BMPR2: variants seen among roughly 807,000 people sequenced by gnomAD.
The protein encoded by BMPR2 is bone morphogenetic protein receptor type-2.
Under a neutral mutation model 100.8 loss-of-function variants are expected in BMPR2, and 29 were observed. The ratio of observed to expected loss-of-function variants is 0.29; its 90% confidence interval spans 0.21 to 0.39. The LOEUF (loss-of-function observed/expected upper bound fraction) is 0.39. Ranked by LOEUF, BMPR2 falls within the 10% of genes least tolerant of loss-of-function variation. The pLI, the probability that BMPR2 is intolerant of heterozygous loss-of-function variation, is 1.00. For missense variants in BMPR2, 1,011 were observed against 1,274.5 expected, an observed-to-expected ratio of 0.79 and a Z score of 3.15; for synonymous variants, 382 against 442.3, an observed-to-expected ratio of 0.86 and a Z score of 1.71.
chr2:202,562,437 T>C lies in BMPR2; in HGVS notation c.*2491T>C, dbSNP rs773528113. ...GAAAAAGTAGGAAAGGTGGAAAGTATATATCATTTTTATAAATTTTAAATT... is the reference window on the plus strand; with the variant it reads ...GAAAAAGTAGGAAAGGTGGAAAGTACATATCATTTTTATAAATTTTAAATT... On this transcript the variant is annotated 3_prime_UTR_variant, in exon 13 of 13. Coordinates refer to ENST00000374580, the MANE Select transcript of BMPR2 (RefSeq NM_001204.7). 3.3e-5 allele frequency: 5 copies of C among 152,748 alleles called. No homozygotes were observed. The highest frequency in any genetic ancestry group is 4.8e-5 in the African/African-American group (2 of 41,586). 9.5% of individuals were successfully genotyped at this position (152,748 alleles called of 1,614,324 possible).
chr2:202,421,238 G>A (rs150578341), intron 1 of BMPR2, among the ~76,000 whole-genome samples: 69 of 148,938 alleles, frequency 4.6e-4, no homozygotes, highest in Non-Finnish European at 9.9e-4. Context: ...GCGACAGAGT[G>A]AGACTTCATC....
chr2:202,420,294 A>G (rs970317745), intron 1 of BMPR2, among the ~76,000 whole-genome samples: 1 of 152,068 alleles, frequency 6.6e-6, no homozygotes, highest in African/African-American at 2.4e-5. Flanking sequence ...ATAATGAGCA[A>G]TTACAAAATT....
rs184681276 is a variant in BMPR2, at chr2:202,439,670, C to T, written c.77-25139C>T. ...TTTGGGGAAGCCAACATTTTTGTCT[C>T]GTTCCTGATCTTCGAAGGAAAGTTT... On this transcript the variant is annotated intron_variant, in intron 1 of 12. Coordinates refer to ENST00000374580, the MANE Select transcript of BMPR2 (RefSeq NM_001204.7). Among the ~76,000 whole-genome samples the T allele has an allele frequency of 9.7e-4, 145 of 149,832 alleles. 13 individuals are homozygous for T. The highest frequency in any genetic ancestry group is 3.0e-3 in the African/African-American group (119 of 39,632).
rs375164947 is a variant in BMPR2, at chr2:202,433,691, C to T, written c.77-31118C>T. On this transcript the variant is annotated intron_variant, in intron 1 of 12. Transcript: ENST00000374580. ...TTGGGAGGCTGAGGCGGGCGGATCA[C>T]GAGGTCAAGAGATCAAGACCATCCT... is the stretch of plus-strand genomic sequence containing the variant. Among the ~76,000 whole-genome samples the T allele has an allele frequency of 1.0e-4, 15 of 150,402 alleles. No individual in the cohort carries two copies. The South Asian group carries it at 1.9e-3, about 19-fold the overall frequency.
At chr2:202,390,101 C>T (rs1690517010) in intron 1 of BMPR2, among the ~76,000 whole-genome samples, 1 of 151,436 alleles carries the variant, frequency 6.6e-6, no homozygotes, top group Non-Finnish European at 1.5e-5. Flanking sequence ...TTTATATGTG[C>T]TATAAATAAA....
chr2:202,476,117 C>T (rs1465667395), intron 3 of BMPR2, among the ~76,000 whole-genome samples: 1 of 148,638 alleles, frequency 6.7e-6, no homozygotes, highest in Non-Finnish European at 1.5e-5. Context: ...ATCTAAGTCC[C>T]AAGCATGTAT....
At position 202,532,839 on chromosome 2, in the gene BMPR2, T is replaced by C. The variant is rs1688054509; in HGVS notation, c.1276+107T>C. The C allele has an allele frequency of 7.7e-7, 1 of 1,303,218 alleles. No homozygotes were observed. The highest frequency in any genetic ancestry group is 1.1e-6 in the Non-Finnish European group (1 of 936,988). The allele number at this position is 1,303,218 out of a possible 1,614,324, so 80.7% of individuals were successfully genotyped here. A position where few individuals can be genotyped will look rare whatever the true frequency, so the allele number is the denominator to read the frequency against. On this transcript the variant is annotated intron_variant, in intron 9 of 12. Coordinates refer to ENST00000374580, the MANE Select transcript of BMPR2 (RefSeq NM_001204.7). This position sits in a 1 kb window ranked among gnomAD's most constrained non-coding sequence, Gnocchi z 4.1. Reference sequence around the variant, plus strand: ...CTTTTATGTAAGAATCTTTTTACTTTCATTTAAACCTTTAGTTCATTGCTA... The same window carrying C: ...CTTTTATGTAAGAATCTTTTTACTTCCATTTAAACCTTTAGTTCATTGCTA...
rs538938473 is a variant in BMPR2 at position 202,524,349 on chromosome 2, G to A, written c.967+4148G>A. 2.4e-3 allele frequency among the ~76,000 whole-genome samples: 322 copies of A among 135,936 alleles called. 1 individual carries two copies. The highest frequency in any genetic ancestry group is 8.2e-3 in the African/African-American group (299 of 36,660). The allele number at this position is 135,936 out of a possible 152,430, so 89.2% of individuals were successfully genotyped here. A position where few individuals can be genotyped will look rare whatever the true frequency, so the allele number is the denominator to read the frequency against. On this transcript the variant is annotated intron_variant, in intron 7 of 12. Transcript: ENST00000374580. ...TGCACTCCAGCCTGGGCGACAGATC[G>A]AGAGTCTGTCTCAAAAAAAAAAAAA...
chr2:202,552,457 GA>G (rs1688496437), intron 10 of BMPR2, among the ~76,000 whole-genome samples: 1 of 152,218 alleles, frequency 6.6e-6, no homozygotes. Context: ...CTGTGGCCTT[GA>G]AGAAACATCT....
chr2:202,447,571 T>G (rs1269680628), intron 1 of BMPR2, among the ~76,000 whole-genome samples: 4 of 150,326 alleles, frequency 2.7e-5, no homozygotes, highest in Non-Finnish European at 4.4e-5. Flanking sequence ...GTCCAGCTAC[T>G]CGGGAGGCTG....
chr2:202,543,034 G>A (rs981064035), intron 10 of BMPR2, among the ~76,000 whole-genome samples: 5 of 151,454 alleles, frequency 3.3e-5, no homozygotes, highest in Non-Finnish European at 5.9e-5. Flanking sequence ...AAAATTAGCC[G>A]GGCGTGGTGG....
chr2:202,555,596 A>T lies in BMPR2; in HGVS notation c.1931A>T (p.Asn644Ile). 1 of 1,614,072 alleles carries T rather than the reference A, an allele frequency of 6.2e-7. No homozygotes were observed. Among genetic ancestry groups the T allele is most frequent in the Non-Finnish European group, 8.5e-7 (1 of 1,179,996 alleles). ...YPDETNLHTT[N>I]VAQSIGPTPV... ...GATGAAACAAATCTGCATACCACAA[A>T]TGTTGCACAGTCAATTGGGCCAACC... Residue 644 changes from asparagine (N) to isoleucine (I), a missense_variant, in exon 12 of 13, where the codon AAT becomes ATT. Physicochemically the swap from Asn to Ile is moderately radical, Grantham distance 149. Transcript: ENST00000374580.
At chr2:202,424,682 C>T (rs1329433330) in intron 1 of BMPR2, among the ~76,000 whole-genome samples, 3 of 151,934 alleles carry the variant, frequency 2.0e-5, no homozygotes, top group Non-Finnish European at 2.9e-5. Flanking sequence ...GGCGACAGAG[C>T]GACACTCCGT....
At chr2:202,530,682 A>T (rs750044772) in intron 7 of BMPR2, 112 bp from the exon 8 acceptor site, 37 of 950,360 alleles carry the variant, frequency 3.9e-5, no homozygotes, top group Non-Finnish European at 5.6e-5. Context: ...TTTTTTTGTT[A>T]TTAGAAAATT....
At chr2:202,409,217 C>T (rs1690961412) in intron 1 of BMPR2, among the ~76,000 whole-genome samples, 1 of 152,056 alleles carries the variant, frequency 6.6e-6, no homozygotes, top group African/African-American at 2.4e-5. Flanking sequence ...TGGTGGTGCA[C>T]ACCTGTAATC....
At chr2:202,420,866 G>A (rs1222848017) in intron 1 of BMPR2, among the ~76,000 whole-genome samples, 1 of 151,766 alleles carries the variant, frequency 6.6e-6, no homozygotes, top group African/African-American at 2.4e-5. Flanking sequence ...AGTTTTTAAG[G>A]CAATATAATG....
chr2:202,559,635 C>T (rs1024350385), intron 12 of BMPR2, 61 bp from the exon 13 acceptor site: 34 of 1,567,524 alleles, frequency 2.2e-5, no homozygotes, highest in Non-Finnish European at 2.9e-5. Flanking sequence ...TGAGTTACAT[C>T]CCTTACCCGT....
At chr2:202,476,278 G>A (rs1370475555) in intron 3 of BMPR2, among the ~76,000 whole-genome samples, 1 of 151,822 alleles carries the variant, frequency 6.6e-6, no homozygotes, top group African/African-American at 2.4e-5. Context: ...CTCTCTTCCT[G>A]CCTTAACTGT....
At chr2:202,550,768 A>G (rs1001566203) in intron 10 of BMPR2, among the ~76,000 whole-genome samples, 2 of 151,902 alleles carry the variant, frequency 1.3e-5, no homozygotes, top group Admixed American at 1.3e-4. Flanking sequence ...ATGCCACAGC[A>G]CTCGAGCCTG....
Sources: allele counts gnomAD v4.1 joint callset (sites outside exome capture counted in the v4.1 genomes callset), GRCh38; gene constraint gnomAD v4.1.1; non-coding constraint Gnocchi (gnomAD v3.1); transcripts MANE v1.5; gene names NCBI Gene and HGNC (gene_info 2026-07-23, HGNC 2026-07-21).